Variants in PDE3A observed in about 807,000 individuals in gnomAD.
The protein encoded by PDE3A is cGMP-inhibited 3',5'-cyclic phosphodiesterase 3A.
A neutral mutation model predicts 98.3 loss-of-function variants in PDE3A; 43 were observed. The ratio of observed to expected loss-of-function variants is 0.44; its 90% CI spans 0.34 to 0.56. The LOEUF (loss-of-function observed/expected upper bound fraction) is 0.56. PDE3A is among the 20% of genes least tolerant of loss of function. The pLI, the probability that PDE3A is intolerant of heterozygous loss-of-function variation, is 0.01. For missense variants in PDE3A, 1,427 were observed against 1,440.7 expected (o/e 0.99, Z 0.15); for synonymous variants, 663 against 567.9 (o/e 1.17, Z -2.38).
chr12:20,570,269 G>A (rs974176786), intron 2 of PDE3A, among the ~76,000 whole-genome samples: 2 of 151,804 alleles, frequency 1.3e-5, no homozygotes, highest in Non-Finnish European at 2.9e-5. Flanking sequence ...TTAACTGAAT[G>A]TGATGGTGCA....
At position 20,616,402 on chromosome 12, in the gene PDE3A, C is replaced by G. The variant is rs1944009280; in HGVS notation, c.1424+18C>G. The G allele has an allele frequency of 1.2e-6, 2 of 1,610,030 alleles. No individual in the cohort carries two copies. Among genetic ancestry groups the G allele is most frequent in the South Asian group, 2.2e-5 (2 of 90,700 alleles). On this transcript the variant is annotated intron_variant, in intron 4 of 15. Transcript: ENST00000359062. ...TCATCCAGGTGGCATACGGCTCCTG[C>G]TGGTTTAATGTCTCTTAGAGAAGTT...
chr12:20,616,703 A>G (rs1298888138), intron 4 of PDE3A, among the ~76,000 whole-genome samples: 1 of 152,106 alleles, frequency 6.6e-6, no homozygotes, highest in Non-Finnish European at 1.5e-5. Flanking sequence ...TCATACCGAG[A>G]CCCTTAAATC....
At chr12:20,431,613 A>ACACACGCACG (rs1555145389) in intron 1 of PDE3A, among the ~76,000 whole-genome samples, 2 of 150,808 alleles carry the variant, frequency 1.3e-5, no homozygotes, top group African/African-American at 4.9e-5. Flanking sequence ...ACACACACAC[A>ACACACGCACG]CACACACACG....
At chr12:20,500,312 G>A (rs1053069064) in intron 1 of PDE3A, among the ~76,000 whole-genome samples, 17 of 152,120 alleles carry the variant, frequency 1.1e-4, no homozygotes, top group Admixed American at 6.5e-4. Context: ...ATTCTAATTC[G>A]AATTTAGTGC....
chr12:20,668,277 C>T lies in PDE3A; in HGVS notation c.3185-11753C>T, dbSNP rs898333435. Among the ~76,000 whole-genome samples, 16 of 152,176 alleles carry T rather than the reference C, an allele frequency of 1.1e-4. 1 individual carries two copies. Among genetic ancestry groups the T allele is most frequent in the Admixed American group, 2.6e-4 (4 of 15,282 alleles). On this transcript the variant is annotated intron_variant, in intron 15 of 15. Coordinates refer to ENST00000359062, the MANE Select transcript of PDE3A (RefSeq NM_000921.5). ...GGCGGCAGTGAGGCTGGGGGAGGGGCGCCCGCCATTGCCCAGGCTTGATTA... is the reference window on the plus strand; with the variant it reads ...GGCGGCAGTGAGGCTGGGGGAGGGGTGCCCGCCATTGCCCAGGCTTGATTA...
chr12:20,553,717 G>A (rs1042368557), intron 1 of PDE3A, among the ~76,000 whole-genome samples: 1 of 152,246 alleles, frequency 6.6e-6, no homozygotes, highest in Non-Finnish European at 1.5e-5. Flanking sequence ...GGGGCCAGGC[G>A]TGTGGCTGAC....
chr12:20,615,803 G>A (rs2121462733), intron 3 of PDE3A, among the ~76,000 whole-genome samples: 1 of 152,216 alleles, frequency 6.6e-6, no homozygotes, highest in Middle Eastern at 3.4e-3. Context: ...TCAGCTCACT[G>A]CAACCTCCGC....
chr12:20,511,006 C>A (rs1028533102), intron 1 of PDE3A, among the ~76,000 whole-genome samples: 1 of 152,034 alleles, frequency 6.6e-6, no homozygotes, highest in Non-Finnish European at 1.5e-5. Flanking sequence ...GTCAGCCAGG[C>A]AGCCACATGA....
intron 1 of PDE3A, among the ~76,000 whole-genome samples, chr12:20,381,624 C>T (rs1943665671): frequency 6.6e-6 from 1 of 151,844 alleles, no homozygotes; most frequent in African/African-American, 2.4e-5. Flanking sequence ...ACGAACTCTC[C>T]TGACATTCAT....
intron 1 of PDE3A, among the ~76,000 whole-genome samples, chr12:20,418,291 T>A (rs1451650467): frequency 6.6e-6 from 1 of 152,206 alleles, no homozygotes; most frequent in Non-Finnish European, 1.5e-5. Flanking sequence ...ATATTGCTGC[T>A]GAACACAAAG....
intron 1 of PDE3A, among the ~76,000 whole-genome samples, chr12:20,414,826 C>G (rs186205920): frequency 1.3e-4 from 20 of 152,138 alleles, no homozygotes; most frequent in Admixed American, 1.1e-3. Flanking sequence ...TATTTTTTCT[C>G]ATGGTGTAAA....
At chr12:20,638,975 A>G (rs1944583203) in intron 9 of PDE3A, among the ~76,000 whole-genome samples, 1 of 152,140 alleles carries the variant, frequency 6.6e-6, no homozygotes, top group East Asian at 1.9e-4. Context: ...AGATTTATCC[A>G]TATCAGAAGC....
chr12:20,494,154 C>A, intron 1 of PDE3A, among the ~76,000 whole-genome samples: 1 of 152,168 alleles, frequency 6.6e-6, no homozygotes, highest in East Asian at 1.9e-4. Flanking sequence ...TCAGGCCGCT[C>A]TCTGATGAGA....
Position 20,686,136 on chromosome 12 carries a change from G to T in PDE3A, c.*5865G>T, listed in dbSNP as rs1945954803. Among the ~76,000 whole-genome samples, 1 of 151,946 alleles carries T rather than the reference G, an allele frequency of 6.6e-6. No individual in the cohort carries two copies. On this transcript the variant is annotated 3_prime_UTR_variant, in exon 16 of 16. Transcript: ENST00000359062. ...CATATAACAGAAAACTAGAAAGAAG[G>T]TTTAATTCTTTTTCTAATATTCTAC...
rs1945928597 is a variant in PDE3A, at chr12:20,685,356, C to A, written c.*5085C>A. On this transcript the variant is annotated 3_prime_UTR_variant, in exon 16 of 16. Transcript: ENST00000359062. ...CCTGGGAGGCAGAGGTTATGGTGAGCTGAGATTGCACCATTGCACTCCAGC... is the reference window on the plus strand; with the variant it reads ...CCTGGGAGGCAGAGGTTATGGTGAGATGAGATTGCACCATTGCACTCCAGC... Among the ~76,000 whole-genome samples the A allele has an allele frequency of 7.5e-6, 1 of 133,736 alleles. No homozygotes were observed. The allele number at this position is 133,736 out of a possible 152,430, so 87.7% of individuals were successfully genotyped here. A position where few individuals can be genotyped will look rare whatever the true frequency, so the allele number is the denominator to read the frequency against.
intron 2 of PDE3A, among the ~76,000 whole-genome samples, chr12:20,579,636 C>T (rs574606647): frequency 1.8e-4 from 28 of 152,266 alleles, no homozygotes; most frequent in African/African-American, 6.5e-4. Flanking sequence ...GCCACTAATG[C>T]CAGGTTCCTC....
Position 20,552,810 on chromosome 12 carries a change from T to C in PDE3A, c.961-3850T>C, listed in dbSNP as rs988005615. 4.3e-6 allele frequency: 7 copies of C among 1,613,904 alleles called. No individual in the cohort carries two copies. In the African/African-American group the frequency reaches 8.0e-5, roughly 18 times the overall value. On this transcript the variant is annotated intron_variant, in intron 1 of 15. Transcript: ENST00000359062. This position sits in a 1 kb window ranked among gnomAD's most constrained non-coding sequence, Gnocchi z 5.1. ...AGGAGACGTTCCAGTGTATCTGCTG[T>C]CAGGAGCTGGTGTTCCGGCCCATCA... is the stretch of plus-strand genomic sequence containing the variant.
At chr12:20,629,404 G>T (rs146120110) in intron 5 of PDE3A, among the ~76,000 whole-genome samples, 172 of 152,284 alleles carry the variant, frequency 1.1e-3, no homozygotes, top group African/African-American at 3.9e-3. Context: ...TGGTTAAGAA[G>T]GTTAATTTCC....
At chr12:20,374,184 G>A (rs1325049974) in intron 1 of PDE3A, among the ~76,000 whole-genome samples, 1 of 151,970 alleles carries the variant, frequency 6.6e-6, no homozygotes, top group African/African-American at 2.4e-5. Flanking sequence ...TTATCCCTTG[G>A]GAAAGGTGAA....
Sources: gnomAD v4.1 joint callset for allele counts (sites outside exome capture counted in the v4.1 genomes callset) on GRCh38, gnomAD v4.1.1 for gene constraint, Gnocchi (gnomAD v3.1) non-coding constraint, MANE v1.5 for transcripts, NCBI Gene and HGNC (gene_info 2026-07-23, HGNC 2026-07-21) for gene names.